TMC1: variants seen among roughly 807,000 people sequenced by gnomAD.
The protein encoded by TMC1 is transmembrane channel-like protein 1.
In TMC1, 84 loss-of-function variants were observed where a neutral mutation model predicts 105.8. That is an observed-to-expected ratio of 0.79 (90% CI 0.67 to 0.95). The LOEUF is 0.95. Ranked by LOEUF, TMC1 falls within the 40% of genes least tolerant of loss-of-function variation. The pLI is 0.00. For synonymous variants in TMC1, 315 were observed against 311.5 expected, an observed-to-expected ratio of 1.01 and a Z score of -0.12; for missense variants, 817 against 914.1, an observed-to-expected ratio of 0.89 and a Z score of 1.37.
rs57741839 is a variant in TMC1 at position 72,607,002 on chromosome 9, T to TAGAGAGAGAGAGAGAGAGAGAGAG, written c.-305-9364_-305-9341dup. On this transcript the variant is annotated intron_variant, in intron 2 of 23. Coordinates refer to ENST00000297784, the MANE Select transcript of TMC1 (RefSeq NM_138691.3). ...GTGTGCATATATATATATATATATATAGAGAGAGAGAGAGAGAGAGAGAGA... is the reference window on the plus strand; with the variant it reads ...GTGTGCATATATATATATATATATATAGAGAGAGAGAGAGAGAGAGAGAGAGAGAGAGAGAGAGAGAGAGAGAGA... 5.9e-5 allele frequency among the ~76,000 whole-genome samples: 8 copies of TAGAGAGAGAGAGAGAGAGAGAGAG among 134,968 alleles called. No individual in the cohort carries two copies. In the South Asian group the frequency reaches 7.5e-4, roughly 13 times the overall value. The allele number at this position is 134,968 out of a possible 152,430, so 88.5% of individuals were successfully genotyped here. A position where few individuals can be genotyped will look rare whatever the true frequency, so the allele number is the denominator to read the frequency against.
intron 8 of TMC1, among the ~76,000 whole-genome samples, chr9:72,708,237 G>T (rs2117898099): frequency 6.6e-6 from 1 of 152,134 alleles, no homozygotes; most frequent in African/African-American, 2.4e-5. Context: ...GTCTTGATTT[G>T]GCTATGTGGC....
intron 1 of TMC1, among the ~76,000 whole-genome samples, chr9:72,523,132 A>G (rs2132051416): frequency 6.6e-6 from 1 of 152,296 alleles, no homozygotes; most frequent in African/African-American, 2.4e-5. Flanking sequence ...TAGGGCTGGC[A>G]GGAGTGAAGG....
chr9:72,792,606 C>T (rs1828293679), intron 17 of TMC1, among the ~76,000 whole-genome samples: 1 of 152,088 alleles, frequency 6.6e-6, no homozygotes, highest in South Asian at 2.1e-4. Context: ...GAAAATGGTG[C>T]AAAGAGATGT....
chr9:72,640,639 GT>G (rs67426286), intron 4 of TMC1, among the ~76,000 whole-genome samples: 38,850 of 146,576 alleles, frequency 0.27, 5,190 homozygotes, highest in African/African-American at 0.32. Flanking sequence ...TTTGTTTTTT[GT>G]TTTTTTTTTT....
At chr9:72,818,250 T>C (rs561495386) in intron 19 of TMC1, among the ~76,000 whole-genome samples, 23 of 152,216 alleles carry the variant, frequency 1.5e-4, no homozygotes, top group Admixed American at 2.0e-4. Context: ...ACTGGAGATA[T>C]TGAATTACTC....
At chr9:72,699,171 G>T (rs1330075787) in intron 7 of TMC1, among the ~76,000 whole-genome samples, 1 of 152,086 alleles carries the variant, frequency 6.6e-6, no homozygotes, top group Non-Finnish European at 1.5e-5. Context: ...TGCATGCCTC[G>T]ATTTAAAATT....
At chr9:72,568,404 G>A (rs937632612) in intron 1 of TMC1, among the ~76,000 whole-genome samples, 6 of 152,164 alleles carry the variant, frequency 3.9e-5, no homozygotes, top group African/African-American at 1.4e-4. Context: ...TTCTAGTTAT[G>A]AATATAATCA....
chr9:72,709,611 T>A (rs1826800070), intron 8 of TMC1, among the ~76,000 whole-genome samples: 1 of 152,204 alleles, frequency 6.6e-6, no homozygotes, highest in Non-Finnish European at 1.5e-5. Context: ...TTTGCAGGAA[T>A]TTATTCATCT....
intron 10 of TMC1, among the ~76,000 whole-genome samples, chr9:72,749,974 G>A (rs1197850354): frequency 6.6e-6 from 1 of 152,106 alleles, no homozygotes; most frequent in East Asian, 1.9e-4. Flanking sequence ...AGGTGTGGTG[G>A]TGGGTGCCTG....
chr9:72,647,749 T>C (rs1825738310), intron 4 of TMC1, among the ~76,000 whole-genome samples: 1 of 144,938 alleles, frequency 6.9e-6, no homozygotes, highest in South Asian at 2.1e-4. Context: ...CAAAAGCTGC[T>C]CCAGTATAAA....
chr9:72,601,683 CA>C (rs967228751), intron 2 of TMC1, among the ~76,000 whole-genome samples: 12 of 151,738 alleles, frequency 7.9e-5, no homozygotes, highest in African/African-American at 2.9e-4. Flanking sequence ...AAAACCAAAA[CA>C]AAAAACATAT....
At chr9:72,627,055 CATT>C (rs1427351269) in intron 3 of TMC1, among the ~76,000 whole-genome samples, 1 of 143,766 alleles carries the variant, frequency 7.0e-6, no homozygotes, top group African/African-American at 2.6e-5. Flanking sequence ...TTGGGTCTGT[CATT>C]ATAGTAATAA....
chr9:72,531,173 T>G (rs2132057528), intron 1 of TMC1, among the ~76,000 whole-genome samples: 1 of 152,272 alleles, frequency 6.6e-6, no homozygotes, highest in African/African-American at 2.4e-5. Flanking sequence ...TTTACCTACT[T>G]AAACATAGCA....
chr9:72,826,844 A>T, intron 20 of TMC1, 25 bp from the exon 21 acceptor site: 1 of 1,613,146 alleles, frequency 6.2e-7, no homozygotes, highest in Non-Finnish European at 8.5e-7. Flanking sequence ...TAATAAACTT[A>T]TCTCCCCCTT....
chr9:72,642,215 A>AT (rs1400906488), intron 4 of TMC1, among the ~76,000 whole-genome samples: 4 of 152,074 alleles, frequency 2.6e-5, no homozygotes, highest in Non-Finnish European at 4.4e-5. Flanking sequence ...CTCAGCTGTG[A>AT]TTTTCTGTAT....
At chr9:72,701,077 A>G (rs1162847479) in intron 8 of TMC1, among the ~76,000 whole-genome samples, 1 of 152,054 alleles carries the variant, frequency 6.6e-6, no homozygotes, top group Non-Finnish European at 1.5e-5. Flanking sequence ...TTTGAAAGAG[A>G]TAATATATTT....
At chr9:72,678,556 T>A (rs1306449681) in intron 5 of TMC1, among the ~76,000 whole-genome samples, 2 of 152,032 alleles carry the variant, frequency 1.3e-5, no homozygotes, top group East Asian at 3.9e-4. Context: ...TATTATATTA[T>A]TACAAGCATA....
chr9:72,655,573 T>G, intron 5 of TMC1, among the ~76,000 whole-genome samples: 1 of 152,046 alleles, frequency 6.6e-6, no homozygotes, highest in East Asian at 1.9e-4. Context: ...AAACCCAGTC[T>G]CTACTAAATA....
At chr9:72,788,982 G>T in intron 14 of TMC1, 141 bp from the exon 15 acceptor site, 1 of 828,258 alleles carries the variant, frequency 1.2e-6, no homozygotes, top group Non-Finnish European at 1.9e-6. Flanking sequence ...CTGGTTTGTG[G>T]AATCTCAGAT....
Sources: gnomAD v4.1 joint callset for allele counts (sites outside exome capture counted in the v4.1 genomes callset) on GRCh38, gnomAD v4.1.1 for gene constraint, MANE v1.5 for transcripts, NCBI Gene and HGNC (gene_info 2026-07-23, HGNC 2026-07-21) for gene names.